The following MEI1 variants were observed in gnomAD, a reference collection of about 807,000 sequenced individuals.
MEI1 encodes meiotic double-stranded break formation protein 1, also known as meiosis inhibitor protein 1.
In MEI1, 103 loss-of-function variants were observed where a neutral mutation model predicts 146.2. The observed-to-expected ratio is 0.70, with a 90% CI of 0.60 to 0.83. The LOEUF (loss-of-function observed/expected upper bound fraction) is 0.83. Ranked by LOEUF, MEI1 falls within the 40% of genes least tolerant of loss-of-function variation. The probability of loss-of-function intolerance (pLI) is 0.00; values close to 1 mark genes in which losing one functional copy is unlikely to be tolerated. For synonymous variants in MEI1, 652 were observed against 628.2 expected (o/e 1.04, Z -0.57); for missense variants, 1,529 against 1,533.0 (o/e 1.00, Z 0.04).
At position 41,741,807 on chromosome 22, in the gene MEI1, G is replaced by A. The variant is rs531909312; in HGVS notation, c.1332-1273G>A. On this transcript the variant is annotated intron_variant, in intron 11 of 30. Transcript: ENST00000401548. ...AAAAATACAAAAATTAACTGGGTGT[G>A]GTGGCGTGCGCCTGTAGTCCCAGCT... Among the ~76,000 whole-genome samples the A allele has an allele frequency of 2.0e-5, 3 of 152,262 alleles. No homozygotes were observed. The South Asian group carries it at 6.2e-4, about 32-fold the overall frequency.
intron 27 of MEI1, 25 bp from the exon 28 acceptor site, chr22:41,794,346 A>T (rs756738591): frequency 6.3e-7 from 1 of 1,599,380 alleles, no homozygotes; most frequent in African/African-American, 1.3e-5. Flanking sequence ...TCTTGGAAGC[A>T]TTAACAACCC....
At chr22:41,759,655 AT>A (rs1310796719) in intron 18 of MEI1, among the ~76,000 whole-genome samples, 7 of 146,392 alleles carry the variant, frequency 4.8e-5, no homozygotes, top group South Asian at 2.2e-4. Context: ...AAATAAATAA[AT>A]AAATAAAAAT....
chr22:41,720,589 C>T (rs1048320450), intron 6 of MEI1, among the ~76,000 whole-genome samples: 4 of 131,052 alleles, frequency 3.1e-5, no homozygotes, highest in African/African-American at 1.2e-4. Context: ...ACTACTATGC[C>T]TGGCTCAATT....
At chr22:41,704,060 C>G (rs375570916) in intron 2 of MEI1, among the ~76,000 whole-genome samples, 7 of 152,278 alleles carry the variant, frequency 4.6e-5, no homozygotes, top group East Asian at 1.9e-4. Context: ...GTCTGCTGAC[C>G]TAGGTATGAC....
intron 5 of MEI1, among the ~76,000 whole-genome samples, chr22:41,716,355 CTTTTTTTTTTTTTTTTTT>C (rs6147630): frequency 9.3e-5 from 11 of 118,588 alleles, no homozygotes; most frequent in Non-Finnish European, 1.4e-4. Flanking sequence ...TCCATTCATT[CTTTTTTTTTTTTTTTTTT>C]TTTTTTTTTT....
At chr22:41,716,962 T>C (rs1377565828) in intron 5 of MEI1, among the ~76,000 whole-genome samples, 1 of 152,072 alleles carries the variant, frequency 6.6e-6, no homozygotes, top group African/African-American at 2.4e-5. Context: ...GTGCTGGGAT[T>C]ACAGGTGTGA....
In MEI1 at chr22:41,716,079, C is replaced by A; in HGVS notation, c.462C>A (p.Thr154=). The change falls in exon 5 of 31, where the codon ACC becomes ACA. Residue 154 remains threonine (T), a synonymous_variant. Transcript: ENST00000401548. ...NMPSMRGSLA[T]LTLLGKLVDA... Reference sequence around the variant, plus strand: ...CCTCCATGCGAGGCAGCCTGGCCACCCTGACCCTTCTTGGCAAGTTGGTGG... The same window carrying A: ...CCTCCATGCGAGGCAGCCTGGCCACACTGACCCTTCTTGGCAAGTTGGTGG... 1.2e-6 allele frequency: 2 copies of A among 1,611,970 alleles called. No homozygotes were observed. The highest frequency in any genetic ancestry group is 2.2e-5 in the South Asian group (2 of 90,366).
At position 41,744,956 on chromosome 22, in the gene MEI1, T is replaced by C. The variant is rs1601884369; in HGVS notation, c.1447-17T>C. ...TATACTTGATCACTAGGTTCCTGTC[T>C]CTCCTTCCCACCTCAGGGCCATGCC... On this transcript the variant is annotated splice_polypyrimidine_tract_variant and intron_variant, in intron 12 of 30. Coordinates refer to ENST00000401548, the MANE Select transcript of MEI1 (RefSeq NM_152513.4). The C allele has an allele frequency of 6.6e-7, 1 of 1,508,806 alleles. No homozygotes were observed. The highest frequency in any genetic ancestry group is 8.9e-7 in the Non-Finnish European group (1 of 1,121,758). 93.5% of individuals were successfully genotyped at this position (1,508,806 alleles called of 1,614,324 possible).
At chr22:41,797,081 T>C (rs2076389222) in intron 30 of MEI1, among the ~76,000 whole-genome samples, 2 of 152,172 alleles carry the variant, frequency 1.3e-5, no homozygotes, top group African/African-American at 4.8e-5. Flanking sequence ...CACTGTAGCC[T>C]TCACCTCCTG....
chr22:41,744,659 G>A lies in MEI1; in HGVS notation c.1447-314G>A, dbSNP rs1315507953. On this transcript the variant is annotated intron_variant, in intron 12 of 30. Transcript: ENST00000401548. The stretch of plus-strand genomic sequence containing the variant: ...ACTACAGGCGCCCGCCTCTACGCCC[G>A]GCTAATTTTTTTGTATTTTTAGTAG... Among the ~76,000 whole-genome samples, 6 of 35,020 alleles carry A rather than the reference G, an allele frequency of 1.7e-4. 3 individuals are homozygous for A. The African/African-American group carries it at 2.3e-3, about 14-fold the overall frequency. 23.0% of individuals were successfully genotyped at this position (35,020 alleles called of 152,430 possible). A position where few individuals can be genotyped will look rare whatever the true frequency, so the allele number is the denominator to read the frequency against.
intron 26 of MEI1, among the ~76,000 whole-genome samples, chr22:41,785,541 T>G (rs932943410): frequency 4.0e-5 from 6 of 150,334 alleles, no homozygotes; most frequent in Admixed American, 3.3e-4. Context: ...GGATTACAGG[T>G]GTGAGCCACT....
intron 18 of MEI1, among the ~76,000 whole-genome samples, chr22:41,761,112 G>A (rs1051435857): frequency 1.3e-5 from 2 of 152,022 alleles, no homozygotes; most frequent in African/African-American, 4.8e-5. Context: ...AGGAGTTCAA[G>A]ACCAACATGA....
chr22:41,714,872 C>T (rs1337166982), intron 4 of MEI1, among the ~76,000 whole-genome samples: 3 of 151,456 alleles, frequency 2.0e-5, no homozygotes, highest in South Asian at 4.2e-4. Context: ...CAAAGCAAGA[C>T]TCCATCTAAA....
intron 2 of MEI1, among the ~76,000 whole-genome samples, 199 bp from the exon 3 acceptor site, chr22:41,705,304 TG>T (rs1425142300): frequency 6.6e-6 from 1 of 152,018 alleles, no homozygotes; most frequent in Non-Finnish European, 1.5e-5. Context: ...CCTGAGTAGC[TG>T]GGACTACAGG....
At position 41,707,391 on chromosome 22, in the gene MEI1, G is replaced by T. The variant is rs71329109; in HGVS notation, c.349+1837G>T. Among the ~76,000 whole-genome samples, 38 of 152,288 alleles carry T rather than the reference G, an allele frequency of 2.5e-4. 1 individual carries two copies. Among genetic ancestry groups the T allele is most frequent in the Non-Finnish European group, 3.8e-4 (26 of 68,018 alleles). On this transcript the variant is annotated intron_variant, in intron 3 of 30. Coordinates refer to ENST00000401548, the MANE Select transcript of MEI1 (RefSeq NM_152513.4). ...GTTATGAAACTCAGACCTCTGAGTGGCACTGACTAGATAATACCGTTGTCT... is the reference window on the plus strand; with the variant it reads ...GTTATGAAACTCAGACCTCTGAGTGTCACTGACTAGATAATACCGTTGTCT...
chr22:41,798,031 C>CT (rs1175397672), intron 30 of MEI1, among the ~76,000 whole-genome samples: 2 of 152,026 alleles, frequency 1.3e-5, no homozygotes, highest in African/African-American at 4.8e-5. Context: ...AGCTACATCA[C>CT]CGAACTCAGA....
At position 41,753,967 on chromosome 22, in the gene MEI1, G is replaced by C. The variant is rs574768863; in HGVS notation, c.1872G>C (p.Gln624His). Reference sequence around the variant, plus strand: ...CTCTAAGTCACTCAGCCCTAAACCAGGTGTGTTCCAATTTCCTCTACTATA... The same window carrying C: ...CTCTAAGTCACTCAGCCCTAAACCACGTGTGTTCCAATTTCCTCTACTATA... ...CSGLSHSALN[Q>H]VCSNFLYYMC... Residue 624 changes from glutamine (Q) to histidine (H), a missense_variant, in exon 17 of 31, where the codon CAG becomes CAC. Gln to His is a conservative substitution (Grantham distance 24, BLOSUM62 0). Around this residue, in one of 3 missense-constraint regions of MEI1, gnomAD observed 1,212 missense variants for 1,178.9 expected, o/e 1.03. Coordinates refer to ENST00000401548, the MANE Select transcript of MEI1 (RefSeq NM_152513.4). The C allele has an allele frequency of 2.2e-5, 36 of 1,612,948 alleles. 1 individual carries two copies. The South Asian group carries it at 3.7e-4, about 17-fold the overall frequency.
chr22:41,748,342 A>T, intron 15 of MEI1, 124 bp downstream of exon 15: 1 of 703,704 alleles, frequency 1.4e-6, no homozygotes, highest in Non-Finnish European at 2.5e-6. Context: ...ATCTGTATCT[A>T]TTCTTTGTCC....
At chr22:41,728,191 C>T (rs2071538193) in intron 7 of MEI1, among the ~76,000 whole-genome samples, 1 of 152,136 alleles carries the variant, frequency 6.6e-6, no homozygotes, top group South Asian at 2.1e-4. Context: ...ACAGTTCAAG[C>T]CTGTGTTGTT....
Sources: allele counts gnomAD v4.1 joint callset (sites outside exome capture counted in the v4.1 genomes callset), GRCh38; gene constraint gnomAD v4.1.1; regional missense constraint gnomAD v4.1.1; transcripts MANE v1.5; gene names NCBI Gene and HGNC (gene_info 2026-07-23, HGNC 2026-07-21).